The following NPAS3 variants were observed in gnomAD, a reference collection of about 807,000 sequenced individuals.
NPAS3 encodes the protein neuronal PAS domain protein 3.
In NPAS3, 14 loss-of-function variants were observed where a neutral mutation model predicts 73.1. That is an observed-to-expected ratio of 0.19 (90% CI 0.13 to 0.30). The LOEUF (loss-of-function observed/expected upper bound fraction) is 0.30, where lower values mean the gene tolerates loss of function less well. NPAS3 is among the 10% of genes least tolerant of loss of function. The pLI is 1.00. For missense variants in NPAS3, 1,096 were observed against 1,250.0 expected (o/e 0.88, Z 1.86); for synonymous variants, 620 against 541.5 (o/e 1.14, Z -2.01).
intron 2 of NPAS3, among the ~76,000 whole-genome samples, chr14:33,078,494 T>C (rs1277317254): frequency 1.3e-5 from 2 of 151,394 alleles, no homozygotes; most frequent in African/African-American, 4.9e-5. Context: ...TTAGATTTGT[T>C]TGGTAATGTA....
At chr14:33,084,912 AT>A (rs2041973022) in intron 2 of NPAS3, among the ~76,000 whole-genome samples, 1 of 152,208 alleles carries the variant, frequency 6.6e-6, no homozygotes, top group South Asian at 2.1e-4. Flanking sequence ...CAAAACATTT[AT>A]TTTAATGGGG....
chr14:33,250,967 G>A (rs772793262), intron 3 of NPAS3, among the ~76,000 whole-genome samples: 2 of 152,008 alleles, frequency 1.3e-5, no homozygotes, highest in Non-Finnish European at 2.9e-5. Context: ...CTTCTCAAAA[G>A]GGGTATAAAT....
intron 4 of NPAS3, among the ~76,000 whole-genome samples, chr14:33,545,497 G>A (rs755618407): frequency 1.7e-4 from 26 of 152,160 alleles, no homozygotes; most frequent in Admixed American, 5.2e-4. Flanking sequence ...ATTTTCCTAT[G>A]AGAAAACAGT....
chr14:33,208,153 T>A (rs577611492), intron 2 of NPAS3, among the ~76,000 whole-genome samples: 1 of 152,196 alleles, frequency 6.6e-6, no homozygotes, highest in Non-Finnish European at 1.5e-5. Context: ...AGTTTAAAGT[T>A]CTGGGGGAAA....
At chr14:33,452,321 G>A (rs1348561332) in intron 4 of NPAS3, among the ~76,000 whole-genome samples, 1 of 152,134 alleles carries the variant, frequency 6.6e-6, no homozygotes, top group Non-Finnish European at 1.5e-5. Flanking sequence ...TGCTTTTATT[G>A]TAATCATGGT....
At chr14:33,239,020 T>C (rs1305484394) in intron 3 of NPAS3, among the ~76,000 whole-genome samples, 1 of 151,894 alleles carries the variant, frequency 6.6e-6, no homozygotes, top group Non-Finnish European at 1.5e-5. Flanking sequence ...AAAATAAGTA[T>C]GTGATCAAGA....
chr14:33,392,224 CT>C (rs1273257723), intron 4 of NPAS3, among the ~76,000 whole-genome samples: 5 of 152,110 alleles, frequency 3.3e-5, no homozygotes, highest in Non-Finnish European at 7.4e-5. Context: ...AAAATTACCC[CT>C]GGATTGTAAC....
intron 9 of NPAS3, among the ~76,000 whole-genome samples, chr14:33,783,572 T>G (rs2063047716): frequency 7.1e-6 from 1 of 141,170 alleles, no homozygotes; most frequent in Non-Finnish European, 1.5e-5. Flanking sequence ...TTTGTATTAT[T>G]TTGTCTTAGT....
At chr14:33,451,270 C>A (rs938978584) in intron 4 of NPAS3, among the ~76,000 whole-genome samples, 2 of 152,168 alleles carry the variant, frequency 1.3e-5, no homozygotes, top group South Asian at 4.1e-4. Context: ...TTATGTTAAA[C>A]AATACGGTAC....
chr14:33,101,048 C>G (rs1279336), intron 2 of NPAS3, among the ~76,000 whole-genome samples: 61,952 of 151,814 alleles, frequency 0.41, 13,171 homozygotes, highest in East Asian at 0.54. Context: ...TTCCTAGTTA[C>G]AGAGTGTTCA....
intron 4 of NPAS3, among the ~76,000 whole-genome samples, chr14:33,386,291 T>C (rs1338876661): frequency 6.6e-6 from 1 of 152,222 alleles, no homozygotes; most frequent in Non-Finnish European, 1.5e-5. Flanking sequence ...TGCCTTTCAG[T>C]AAGTACTTTT....
At chr14:33,209,403 C>G (rs2046949536) in intron 2 of NPAS3, among the ~76,000 whole-genome samples, 1 of 152,124 alleles carries the variant, frequency 6.6e-6, no homozygotes, top group Admixed American at 6.6e-5. Flanking sequence ...GCAAGCATTG[C>G]TTATAGAATC....
At chr14:33,669,252 C>G (rs916257804) in intron 5 of NPAS3, among the ~76,000 whole-genome samples, 1 of 152,178 alleles carries the variant, frequency 6.6e-6, no homozygotes, top group African/African-American at 2.4e-5. Flanking sequence ...TAACCTCTAA[C>G]AGCATCCTTT....
At chr14:33,188,724 C>T (rs1176363291) in intron 2 of NPAS3, among the ~76,000 whole-genome samples, 1 of 152,066 alleles carries the variant, frequency 6.6e-6, no homozygotes, top group Non-Finnish European at 1.5e-5. Context: ...TTTTTAATAC[C>T]GTAAAACTTT....
At chr14:33,144,066 G>A (rs895675491) in intron 2 of NPAS3, among the ~76,000 whole-genome samples, 3 of 152,108 alleles carry the variant, frequency 2.0e-5, no homozygotes, top group Non-Finnish European at 1.5e-5. Context: ...GTTCTTCTAG[G>A]TATATACCTG....
At chr14:32,995,699 A>C (rs1445861386) in intron 1 of NPAS3, among the ~76,000 whole-genome samples, 1 of 152,202 alleles carries the variant, frequency 6.6e-6, no homozygotes, top group East Asian at 1.9e-4. Flanking sequence ...TCCTGCTGCC[A>C]TCCATGTAAG....
intron 2 of NPAS3, among the ~76,000 whole-genome samples, chr14:33,081,369 A>C (rs1451714888): frequency 6.6e-6 from 1 of 151,718 alleles, no homozygotes; most frequent in Non-Finnish European, 1.5e-5. Flanking sequence ...AAAGAGACCA[A>C]CTTTTTTTTT....
At chr14:33,314,746 C>T (rs994249509) in intron 3 of NPAS3, among the ~76,000 whole-genome samples, 2 of 152,008 alleles carry the variant, frequency 1.3e-5, no homozygotes, top group African/African-American at 4.8e-5. Context: ...AACCTTCTAC[C>T]TTTACTATCT....
chr14:33,189,333 G>A (rs1566656017), intron 2 of NPAS3, among the ~76,000 whole-genome samples: 1 of 152,126 alleles, frequency 6.6e-6, no homozygotes. Flanking sequence ...TGTTTTCAGA[G>A]ACTTGTTCAT....
Sources: allele counts gnomAD v4.1 joint callset (sites outside exome capture counted in the v4.1 genomes callset), GRCh38; gene constraint gnomAD v4.1.1; transcripts MANE v1.5; gene names NCBI Gene and HGNC (gene_info 2026-07-23, HGNC 2026-07-21).